Variants in N4BP3 observed in about 807,000 individuals in gnomAD.
The protein encoded by N4BP3 is NEDD4-binding protein 3.
N4BP3 carries 33 observed loss-of-function variants against 43.8 expected under a neutral mutation model. The ratio of observed to expected loss-of-function variants is 0.75; its 90% confidence interval spans 0.57 to 1.01. The LOEUF is 1.01. Among genes scored for constraint, N4BP3 ranks in the 50% least tolerant of loss-of-function variants. The pLI is 0.00. For missense variants in N4BP3, 756 were observed against 744.2 expected (o/e 1.02, Z -0.18); for synonymous variants, 326 against 321.9 (o/e 1.01, Z -0.14).
rs911464197 is a variant in N4BP3, at chr5:178,120,930, G to A, written c.853-168G>A. 7.9e-5 allele frequency among the ~76,000 whole-genome samples: 12 copies of A among 152,234 alleles called. 1 individual carries two copies. The highest frequency in any genetic ancestry group is 5.2e-4 in the Admixed American group (8 of 15,288). Reference sequence around the variant, plus strand: ...GAGAGAGGCTCCCTGGGAGGGCCATGTGATGGGGACACCTCACCCTGGAGG... The same window carrying A: ...GAGAGAGGCTCCCTGGGAGGGCCATATGATGGGGACACCTCACCCTGGAGG... On this transcript the variant is annotated intron_variant, in intron 3 of 4. Coordinates refer to ENST00000274605, the MANE Select transcript of N4BP3 (RefSeq NM_015111.2).
chr5:178,126,999 G>A (rs1465746533), downstream of N4BP3, among the ~76,000 whole-genome samples: 1 of 152,162 alleles, frequency 6.6e-6, no homozygotes, highest in Non-Finnish European at 1.5e-5. Flanking sequence ...TCCTGTGCAT[G>A]TATGTAATAA....
chr5:178,116,834 C>T (rs72817253), intron 1 of N4BP3, among the ~76,000 whole-genome samples: 3,377 of 152,230 alleles, frequency 0.022, 55 homozygotes, highest in Non-Finnish European at 0.032. Context: ...GTGAGGTGGG[C>T]GTATTTGGCA....
In N4BP3 at chr5:178,118,035, C is replaced by A. The variant is rs113880397; in HGVS notation, c.-30-1519C>A. Among the ~76,000 whole-genome samples, 1 of 152,162 alleles carries A rather than the reference C, an allele frequency of 6.6e-6. No homozygotes were observed. Among genetic ancestry groups the A allele is most frequent in the Admixed American group, 6.5e-5 (1 of 15,280 alleles). ...GTAGGGGACCCACAGCTGCAGCTGG[C>A]CTGCTGGGCTTCTGTTCGAGAATGG... On this transcript the variant is annotated intron_variant, in intron 1 of 4. Transcript: ENST00000274605. The surrounding 1 kb of genome is among the most constrained non-coding windows in gnomAD (Gnocchi z 5.4).
chr5:178,121,968 C>T lies in N4BP3; in HGVS notation c.1602C>T (p.Pro534=). ...GGGCACTGCGGGAGCCCCCCACACC[C>T]TGGAGTCCCCGGCTCGAGTCCTCCA... The part of the protein sequence containing the change: ...ELRALREPPT[P]WSPRLESSKI Residue 534 remains proline, a synonymous_variant, in exon 5 of 5, where the codon CCC becomes CCT. Transcript: ENST00000274605. The T allele has an allele frequency of 6.2e-7, 1 of 1,606,120 alleles. No homozygotes were observed. Among genetic ancestry groups the T allele is most frequent in the Non-Finnish European group, 8.5e-7 (1 of 1,176,400 alleles).
At position 178,120,305 on chromosome 5, in the gene N4BP3, C is replaced by T. The variant is rs1276925309; in HGVS notation, c.458C>T (p.Ala153Val). The T allele has an allele frequency of 6.2e-7, 1 of 1,608,664 alleles. No individual in the cohort carries two copies. Among genetic ancestry groups the T allele is most frequent in the East Asian group, 2.2e-5 (1 of 44,748 alleles). Residue 153 changes from alanine (A) to valine (V), a missense_variant, in exon 3 of 5, where the codon GCC (alanine) becomes GTC (valine). Physicochemically the swap from Ala to Val is moderately conservative, Grantham distance 64. Coordinates refer to ENST00000274605, the MANE Select transcript of N4BP3 (RefSeq NM_015111.2). ...WRSNGSLHTL[A>V]CHPPLSPGPR... ...AGCAATGGCAGCCTGCACACGCTGG[C>T]CTGCCACCCGCCCCTGAGCCCCGGG...
At chr5:178,119,060 T>A (rs1057349176) in intron 1 of N4BP3, among the ~76,000 whole-genome samples, 2 of 152,148 alleles carry the variant, frequency 1.3e-5, no homozygotes, top group African/African-American at 4.8e-5. Flanking sequence ...GAGATGGGGT[T>A]TCACAGTGTT....
chr5:178,117,118 C>A (rs1416452386), intron 1 of N4BP3, among the ~76,000 whole-genome samples: 1 of 152,162 alleles, frequency 6.6e-6, no homozygotes, highest in African/African-American at 2.4e-5. Flanking sequence ...TGGCCCTTTC[C>A]CGCTTCAGAG....
intron 1 of N4BP3, among the ~76,000 whole-genome samples, chr5:178,114,650 C>G (rs1757730102): frequency 6.6e-6 from 1 of 152,228 alleles, no homozygotes; most frequent in Non-Finnish European, 1.5e-5. Flanking sequence ...CGGTTATCAG[C>G]CTCCTCCCAG....
chr5:178,121,851 G>C lies in N4BP3; in HGVS notation c.1485G>C (p.Glu495Asp). 1 of 1,608,266 alleles carries C rather than the reference G, an allele frequency of 6.2e-7. No individual in the cohort carries two copies. The highest frequency in any genetic ancestry group is 8.5e-7 in the Non-Finnish European group (1 of 1,178,608). The change falls in exon 5 of 5, where the codon GAG (glutamate) becomes GAC (aspartate). Residue 495 changes from glutamate (E) to aspartate (D), a missense_variant. Coordinates refer to ENST00000274605, the MANE Select transcript of N4BP3 (RefSeq NM_015111.2). ...AGCAGGAGCGGCGGACTTGGCAGGA[G>C]GAGAAGGAGCGCGTGCTGCGCTACC... ...RFEQERRTWQ[E>D]EKERVLRYQR...
Position 178,121,692 on chromosome 5 carries a change from T to C in N4BP3, c.1326T>C (p.Cys442=), listed in dbSNP as rs1205654010. ...QAPREEAPGS[C]ETDDCKSRGL... ...CTCGGGAGGAAGCCCCAGGCAGCTG[T>C]GAGACTGATGACTGCAAGAGCAGGG... Residue 442 remains cysteine, a synonymous_variant, in exon 5 of 5, where the codon TGT becomes TGC. Coordinates refer to ENST00000274605, the MANE Select transcript of N4BP3 (RefSeq NM_015111.2). The C allele has an allele frequency of 6.2e-7, 1 of 1,610,406 alleles. No homozygotes were observed. Among genetic ancestry groups the C allele is most frequent in the Non-Finnish European group, 8.5e-7 (1 of 1,179,788 alleles).
chr5:178,113,943 A>T (rs1422316984), intron 1 of N4BP3, among the ~76,000 whole-genome samples, 172 bp downstream of exon 1: 1 of 152,132 alleles, frequency 6.6e-6, no homozygotes, highest in Non-Finnish European at 1.5e-5. Flanking sequence ...GCGTGCGCCC[A>T]GGTGTCCCCT....
intron 2 of N4BP3, 69 bp downstream of exon 2, chr5:178,119,982 G>A (rs982631477): frequency 3.4e-5 from 52 of 1,512,024 alleles, no homozygotes; most frequent in Admixed American, 1.4e-4. Context: ...CCTGATGTTG[G>A]GATGGGGTGG....
chr5:178,118,749 C>G lies in N4BP3; in HGVS notation c.-30-805C>G, dbSNP rs550814193. ...GAGGGCCTGCAGGGGTTACCCCTCT[C>G]CCATGGGAAGGAGGGTCTCACTGGC... On this transcript the variant is annotated intron_variant, in intron 1 of 4. Coordinates refer to ENST00000274605, the MANE Select transcript of N4BP3 (RefSeq NM_015111.2). This position sits in a 1 kb window ranked among gnomAD's most constrained non-coding sequence, Gnocchi z 5.4. 1.3e-5 allele frequency among the ~76,000 whole-genome samples: 2 copies of G among 151,990 alleles called. No homozygotes were observed. Among genetic ancestry groups the G allele is most frequent in the South Asian group, 4.2e-4 (2 of 4,808 alleles).
In N4BP3 at chr5:178,121,291, C is replaced by A. The variant is rs747988073; in HGVS notation, c.1046C>A (p.Ala349Asp). 3.6e-5 allele frequency: 57 copies of A among 1,604,802 alleles called. No individual in the cohort carries two copies. The highest frequency in any genetic ancestry group is 4.9e-5 in the Non-Finnish European group (57 of 1,175,036). Residue 349 changes from alanine to aspartate, a missense_variant, in exon 4 of 5, where the codon GCC (alanine) becomes GAC (aspartate). Transcript: ENST00000274605. Reference sequence around the variant, plus strand: ...CAGGGCCTGGCTCCGGAGCCTCGGGCCCCCGGCACCCTCCCAGAGGCTGAC... The same window carrying A: ...CAGGGCCTGGCTCCGGAGCCTCGGGACCCCGGCACCCTCCCAGAGGCTGAC... ...AQQGLAPEPR[A>D]PGTLPEADPS... is the part of the protein sequence containing the mutation.
chr5:178,115,197 C>T (rs2113280030), intron 1 of N4BP3, among the ~76,000 whole-genome samples: 1 of 152,334 alleles, frequency 6.6e-6, no homozygotes, highest in Non-Finnish European at 1.5e-5. Context: ...CTGTAGACTG[C>T]GGTGCAGCCG....
At chr5:178,116,541 C>T (rs1368440370) in intron 1 of N4BP3, among the ~76,000 whole-genome samples, 1 of 152,138 alleles carries the variant, frequency 6.6e-6, no homozygotes. Context: ...GTCAGTGTGT[C>T]CTGTGGGTGA....
chr5:178,117,227 C>T (rs952494482), intron 1 of N4BP3, among the ~76,000 whole-genome samples: 2 of 152,162 alleles, frequency 1.3e-5, no homozygotes, highest in Non-Finnish European at 2.9e-5. Flanking sequence ...GCTGTCCCCT[C>T]CCCAAGAAGC....
At chr5:178,115,050 G>A (rs894507282) in intron 1 of N4BP3, among the ~76,000 whole-genome samples, 16 of 152,166 alleles carry the variant, frequency 1.1e-4, no homozygotes, top group African/African-American at 3.6e-4. Flanking sequence ...GTGGGATCTT[G>A]GATAACTCAC....
chr5:178,115,959 C>T (rs1323913812), intron 1 of N4BP3, among the ~76,000 whole-genome samples: 6 of 152,178 alleles, frequency 3.9e-5, no homozygotes, highest in South Asian at 2.1e-4. Flanking sequence ...TAGCCAGGAC[C>T]TGTGGAGAAT....
Sources: allele counts gnomAD v4.1 joint callset (sites outside exome capture counted in the v4.1 genomes callset), GRCh38; gene constraint gnomAD v4.1.1; non-coding constraint Gnocchi (gnomAD v3.1); transcripts MANE v1.5; gene names NCBI Gene and HGNC (gene_info 2026-07-23, HGNC 2026-07-21).